Variants in CHMP4B observed in about 807,000 individuals in gnomAD.
The protein encoded by CHMP4B is charged multivesicular body protein 4B.
Under a neutral mutation model 25.1 loss-of-function variants are expected in CHMP4B, and 1 was observed. The observed-to-expected ratio is 0.04, with a 90% CI of 0.01 to 0.19. The LOEUF is 0.19. CHMP4B is among the 10% of genes least tolerant of loss of function. The pLI is 1.00. For synonymous variants in CHMP4B, 101 were observed against 115.6 expected, an observed-to-expected ratio of 0.87 and a Z score of 0.81; for missense variants, 151 against 289.7, an observed-to-expected ratio of 0.52 and a Z score of 3.48.
chr20:33,823,624 G>A (rs1428211804), intron 1 of CHMP4B, among the ~76,000 whole-genome samples: 2 of 152,094 alleles, frequency 1.3e-5, no homozygotes, highest in Admixed American at 6.5e-5. Context: ...TGCAACCTCC[G>A]CCTCCCAGAT....
chr20:33,831,463 C>G (rs1979248211), intron 1 of CHMP4B, among the ~76,000 whole-genome samples: 2 of 152,174 alleles, frequency 1.3e-5, no homozygotes, highest in Non-Finnish European at 2.9e-5. Flanking sequence ...CTCCTGACCT[C>G]AAGTGATCCG....
Position 33,846,915 on chromosome 20 carries a change from A to G in CHMP4B, c.191-1552A>G, listed in dbSNP as rs1979704712. ...TAGCTTTTGATGCCCATTGCAGGGGAGCAAAAAATAGCTTCCCTTCTAGTT... is the reference window on the plus strand; with the variant it reads ...TAGCTTTTGATGCCCATTGCAGGGGGGCAAAAAATAGCTTCCCTTCTAGTT... On this transcript the variant is annotated intron_variant, in intron 1 of 4. Coordinates refer to ENST00000217402, the MANE Select transcript of CHMP4B (RefSeq NM_176812.5). Among the ~76,000 whole-genome samples, 2 of 152,188 alleles carry G rather than the reference A, an allele frequency of 1.3e-5. 1 individual carries two copies. The highest frequency in any genetic ancestry group is 4.1e-4 in the South Asian group (2 of 4,830).
intron 1 of CHMP4B, among the ~76,000 whole-genome samples, chr20:33,822,780 T>TTTTC (rs897328842): frequency 2.0e-5 from 3 of 152,090 alleles, no homozygotes; most frequent in Non-Finnish European, 2.9e-5. Context: ...AGTTAAGTAC[T>TTTTC]TTTCTTTCTT....
At chr20:33,845,704 T>C (rs1468461382) in intron 1 of CHMP4B, among the ~76,000 whole-genome samples, 2 of 152,176 alleles carry the variant, frequency 1.3e-5, no homozygotes, top group Non-Finnish European at 2.9e-5. Flanking sequence ...AAGGGGCACC[T>C]GTGGGACATT....
chr20:33,842,542 T>C (rs2122807575), intron 1 of CHMP4B, among the ~76,000 whole-genome samples: 1 of 152,336 alleles, frequency 6.6e-6, no homozygotes, highest in African/African-American at 2.4e-5. Context: ...TCAGCCTTGC[T>C]CGGCTCCCTG....
chr20:33,835,097 A>G (rs760557251), intron 1 of CHMP4B, among the ~76,000 whole-genome samples: 4 of 152,178 alleles, frequency 2.6e-5, no homozygotes, highest in Non-Finnish European at 4.4e-5. Flanking sequence ...CACCTGGCCT[A>G]TGATTCCTAA....
chr20:33,836,033 G>T (rs187703454), intron 1 of CHMP4B, among the ~76,000 whole-genome samples: 1 of 152,182 alleles, frequency 6.6e-6, no homozygotes, highest in Admixed American at 6.5e-5. Context: ...ACGAGACTTG[G>T]CAGGGTCAAA....
At chr20:33,847,835 A>G (rs1330117585) in intron 1 of CHMP4B, among the ~76,000 whole-genome samples, 1 of 152,114 alleles carries the variant, frequency 6.6e-6, no homozygotes, top group African/African-American at 2.4e-5. Flanking sequence ...GAACATCATG[A>G]TGGTTGTTGC....
chr20:33,849,226 C>G (rs1031536014), intron 2 of CHMP4B, among the ~76,000 whole-genome samples: 10 of 152,188 alleles, frequency 6.6e-5, no homozygotes, highest in African/African-American at 2.4e-4. Flanking sequence ...GCCTAAGAAA[C>G]TAGATAACCA....
At chr20:33,825,303 G>A (rs932310346) in intron 1 of CHMP4B, among the ~76,000 whole-genome samples, 7 of 152,176 alleles carry the variant, frequency 4.6e-5, no homozygotes, top group Non-Finnish European at 8.8e-5. Context: ...CCCTAGGATT[G>A]TGTCTGCGTA....
intron 1 of CHMP4B, among the ~76,000 whole-genome samples, chr20:33,847,954 A>C (rs1979733212): frequency 6.6e-6 from 1 of 152,162 alleles, no homozygotes; most frequent in Non-Finnish European, 1.5e-5. Flanking sequence ...TGATATAGTC[A>C]TTATATTTAT....
chr20:33,823,609 C>A (rs8119509), intron 1 of CHMP4B, among the ~76,000 whole-genome samples: 5,799 of 152,218 alleles, frequency 0.038, 361 homozygotes, highest in African/African-American at 0.13. Context: ...ACGATCTAGG[C>A]TCATTGCAAC....
chr20:33,844,024 A>G (rs1179986442), intron 1 of CHMP4B, among the ~76,000 whole-genome samples: 3 of 152,242 alleles, frequency 2.0e-5, no homozygotes, highest in African/African-American at 7.2e-5. Context: ...TTCACTGCGA[A>G]GAGGGGAAGA....
chr20:33,833,583 A>G (rs573522876), intron 1 of CHMP4B, among the ~76,000 whole-genome samples: 1 of 152,298 alleles, frequency 6.6e-6, no homozygotes, highest in African/African-American at 2.4e-5. Flanking sequence ...GAATCTTTCA[A>G]TGGCTTCCTG....
chr20:33,847,525 G>A (rs910959027), intron 1 of CHMP4B, among the ~76,000 whole-genome samples: 3 of 152,178 alleles, frequency 2.0e-5, no homozygotes, highest in Admixed American at 6.5e-5. Context: ...TTCAAGTTGG[G>A]AGATGTGGTT....
Position 33,853,945 on chromosome 20 carries a change from C to T in CHMP4B, c.*385C>T. 3.1e-6 allele frequency: 1 copy of T among 323,656 alleles called. No individual in the cohort carries two copies. The highest frequency in any genetic ancestry group is 6.0e-6 in the Non-Finnish European group (1 of 167,344). The allele number at this position is 323,656 out of a possible 1,614,324, so 20.0% of individuals were successfully genotyped here. ...GCCTCTGTCCTTGTAAGTCAGTTGA[C>T]TTGCCGCACATCTCTTTGTGTACTT... On this transcript the variant is annotated 3_prime_UTR_variant, in exon 5 of 5. Coordinates refer to ENST00000217402, the MANE Select transcript of CHMP4B (RefSeq NM_176812.5).
intron 1 of CHMP4B, among the ~76,000 whole-genome samples, chr20:33,827,489 G>C (rs1300597133): frequency 6.6e-6 from 1 of 152,248 alleles, no homozygotes; most frequent in East Asian, 1.9e-4. Context: ...TCAGCCACAG[G>C]CTGTTTTGTA....
chr20:33,851,086 T>A lies in CHMP4B; in HGVS notation c.483+20T>A, dbSNP rs1392668811. The A allele has an allele frequency of 7.0e-7, 1 of 1,423,070 alleles. No individual in the cohort carries two copies. The highest frequency in any genetic ancestry group is 9.9e-7 in the Non-Finnish European group (1 of 1,005,540). 88.2% of individuals were successfully genotyped at this position (1,423,070 alleles called of 1,614,324 possible). ...GACGAGGTGAGTAGTTTTGTACAGA[T>A]CCCATAAGCTTCACAAATGATACCC... On this transcript the variant is annotated intron_variant, in intron 3 of 4. Transcript: ENST00000217402.
rs114313736 is a variant in CHMP4B at position 33,852,254 on chromosome 20, C to G, written c.610+51C>G. 6,042 of 1,611,372 alleles carry G rather than the reference C, an allele frequency of 3.7e-3. 214 individuals are homozygous for G. The African/African-American group carries it at 0.072, about 19-fold the overall frequency. On this transcript the variant is annotated intron_variant, in intron 4 of 4. Coordinates refer to ENST00000217402, the MANE Select transcript of CHMP4B (RefSeq NM_176812.5). ...ACCGTGAGGTCATGTGGCAGGTGAT[C>G]TTGTGGTCGGTTGGCTTTGGTTTGT... is the stretch of plus-strand genomic sequence containing the variant.
Sources: allele counts gnomAD v4.1 joint callset (sites outside exome capture counted in the v4.1 genomes callset), GRCh38; gene constraint gnomAD v4.1.1; transcripts MANE v1.5; gene names NCBI Gene and HGNC (gene_info 2026-07-23, HGNC 2026-07-21).